ADGRF3: variants seen among roughly 807,000 people sequenced by gnomAD.
The protein encoded by ADGRF3 is G protein-coupled receptor 113.
A neutral mutation model predicts 93.2 loss-of-function variants in ADGRF3; 85 were observed. That is an observed-to-expected ratio of 0.91 (90% CI 0.77 to 1.09). The LOEUF is 1.09. Ranked by LOEUF, ADGRF3 falls within the 50% of genes least tolerant of loss-of-function variation. The probability of loss-of-function intolerance (pLI) is 0.00; values close to 1 mark genes in which losing one functional copy is unlikely to be tolerated. For synonymous variants in ADGRF3, 534 were observed against 532.5 expected (o/e 1.00, Z -0.04); for missense variants, 1,125 against 1,246.2 (o/e 0.90, Z 1.46).
chr2:26,312,018 G>T lies in ADGRF3; in HGVS notation c.1506C>A (p.Thr502=). The T allele has an allele frequency of 6.2e-7, 1 of 1,612,986 alleles. No homozygotes were observed. The highest frequency in any genetic ancestry group is 8.5e-7 in the Non-Finnish European group (1 of 1,179,864). ...CCCAGGGCTTCCGGGCTTGGGCCAGGGTCCACAGAGACCTGGTGTCCATAT... is the reference window on the plus strand; with the variant it reads ...CCCAGGGCTTCCGGGCTTGGGCCAGTGTCCACAGAGACCTGGTGTCCATAT... The part of the protein sequence containing the change: ...VLDMDTRSLW[T]LAQARKPWAG... The change falls in exon 10 of 14, where the codon ACC becomes ACA. Residue 502 remains threonine (T), a synonymous_variant. Coordinates refer to ENST00000651242, the MANE Select transcript of ADGRF3 (RefSeq NM_001321971.2).
intron 1 of ADGRF3, 52 bp downstream of exon 1, chr2:26,346,069 A>T (rs909522605): frequency 6.6e-7 from 1 of 1,515,910 alleles, no homozygotes. Context: ...GAGGCGGCCG[A>T]AGGGGCCGAG....
chr2:26,346,108 G>T lies in ADGRF3; in HGVS notation c.114+13C>A. ...GCTACGCGTGCGCGGTGGGCGGAGC[G>T]CGGCTCTCCTACCTTCTCGGGCAGC... On this transcript the variant is annotated intron_variant, in intron 1 of 13. Coordinates refer to ENST00000651242, the MANE Select transcript of ADGRF3 (RefSeq NM_001321971.2). 1.3e-6 allele frequency: 2 copies of T among 1,567,794 alleles called. No individual in the cohort carries two copies. Among genetic ancestry groups the T allele is most frequent in the Middle Eastern group, 1.7e-4 (1 of 6,006 alleles).
At chr2:26,315,460 G>C (rs951022796) in intron 5 of ADGRF3, 62 bp downstream of exon 5, 20 of 1,500,262 alleles carry the variant, frequency 1.3e-5, no homozygotes, top group Non-Finnish European at 1.6e-5. Context: ...AGAGAAGGAA[G>C]ACGAGGATGA....
At chr2:26,316,768 A>C in intron 3 of ADGRF3, 144 bp downstream of exon 3, 3 of 884,484 alleles carry the variant, frequency 3.4e-6, no homozygotes, top group Non-Finnish European at 3.4e-6. Flanking sequence ...GAGGTGAGGA[A>C]GGAGCTGGGC....
In ADGRF3 at chr2:26,338,612, G is replaced by A. The variant is rs1179887448; in HGVS notation, c.114+7509C>T. Among the ~76,000 whole-genome samples, 6 of 152,160 alleles carry A rather than the reference G, an allele frequency of 3.9e-5. No individual in the cohort carries two copies. The South Asian group carries it at 1.0e-3, about 26-fold the overall frequency. ...CGAGTAGCTTAAATTACAGGCATGT[G>A]CCACCACGCCCGGCTAATTTTGTAT... On this transcript the variant is annotated intron_variant, in intron 1 of 13. Coordinates refer to ENST00000651242, the MANE Select transcript of ADGRF3 (RefSeq NM_001321971.2).
At chr2:26,318,993 C>A (rs941814990) in intron 1 of ADGRF3, 6 of 1,551,612 alleles carry the variant, frequency 3.9e-6, no homozygotes, top group African/African-American at 1.4e-5. Context: ...CAACTGGTGA[C>A]CCCAGCAGGG....
intron 1 of ADGRF3, among the ~76,000 whole-genome samples, chr2:26,339,538 A>C (rs1676254076): frequency 6.6e-6 from 1 of 152,096 alleles, no homozygotes; most frequent in Non-Finnish European, 1.5e-5. Flanking sequence ...ACACACCCCC[A>C]AAACTGCATT....
chr2:26,312,177 G>T, intron 9 of ADGRF3, 103 bp from the exon 10 acceptor site: 5 of 1,148,092 alleles, frequency 4.4e-6, no homozygotes, highest in Non-Finnish European at 6.1e-6. Flanking sequence ...TCCCAGTCCA[G>T]TGTGCGACCC....
At chr2:26,346,076 C>A in intron 1 of ADGRF3, 45 bp downstream of exon 1, 1 of 1,531,330 alleles carries the variant, frequency 6.5e-7, no homozygotes, top group South Asian at 1.2e-5. Context: ...CCGAAGGGGC[C>A]GAGGCGGCTA....
Position 26,311,777 on chromosome 2 carries a change from C to T in ADGRF3, c.1747G>A (p.Glu583Lys), listed in dbSNP as rs1381928630. ...SLAPLVRNGT[E>K]ISITSLVLRK... ...AGCACCAGGCTAGTAATACTTATTT[C>T]AGTTCCATTACGGACCAATGGGGCC... is the stretch of plus-strand genomic sequence containing the variant. Residue 583 changes from glutamate to lysine, a missense_variant, in exon 10 of 14, where the codon GAA (glutamate) becomes AAA (lysine). Physicochemically the swap from Glu to Lys is moderately conservative, Grantham distance 56. Coordinates refer to ENST00000651242, the MANE Select transcript of ADGRF3 (RefSeq NM_001321971.2). 2 of 1,613,692 alleles carry T rather than the reference C, an allele frequency of 1.2e-6. No homozygotes were observed. Among genetic ancestry groups the T allele is most frequent in the Admixed American group, 3.3e-5 (2 of 59,960 alleles).
chr2:26,314,665 C>T (rs1023642896), intron 5 of ADGRF3, 42 bp from the exon 6 acceptor site: 2 of 1,530,026 alleles, frequency 1.3e-6, no homozygotes, highest in Non-Finnish European at 1.8e-6. Flanking sequence ...TCCTCTGGGC[C>T]CCGCTGCACC....
In ADGRF3 at chr2:26,311,723, T is replaced by C; in HGVS notation, c.1801A>G (p.Asn601Asp). The change falls in exon 10 of 14, where the codon AAC becomes GAC. Residue 601 changes from asparagine (N) to aspartate (D), a missense_variant. By Grantham distance (23) the Asn-to-Asp change is conservative (BLOSUM62 1). Coordinates refer to ENST00000651242, the MANE Select transcript of ADGRF3 (RefSeq NM_001321971.2). ...LRKLDHLLPS[N>D]YGQGLGDSLY... ...GAATCCCCCAGCCCTTGTCCATAGT[T>C]TGAGGGCAGAAGGTGGTCCAGTTTT... 1.9e-6 allele frequency: 3 copies of C among 1,613,430 alleles called. No homozygotes were observed. The highest frequency in any genetic ancestry group is 2.5e-6 in the Non-Finnish European group (3 of 1,179,690).
intron 1 of ADGRF3, among the ~76,000 whole-genome samples, chr2:26,337,140 GT>G (rs1216532384): frequency 9.2e-5 from 14 of 152,332 alleles, no homozygotes; most frequent in African/African-American, 3.4e-4. Context: ...TATAGGGGCA[GT>G]GATTGTCCTA....
rs771369065 is a variant in ADGRF3, at chr2:26,316,996, C to T, written c.241G>A (p.Glu81Lys). 1 of 1,613,124 alleles carries T rather than the reference C, an allele frequency of 6.2e-7. No individual in the cohort carries two copies. Among genetic ancestry groups the T allele is most frequent in the Admixed American group, 1.7e-5 (1 of 59,804 alleles). Residue 81 changes from glutamate (E) to lysine (K), a missense_variant, in exon 3 of 14, where the codon GAA becomes AAA. By Grantham distance (56) the Glu-to-Lys change is moderately conservative (BLOSUM62 1). Coordinates refer to ENST00000651242, the MANE Select transcript of ADGRF3 (RefSeq NM_001321971.2). ...GGGAGAGTCAGTGTCCTGGAGAGTT[C>T]AGGGGGCCAGGTCTTATCTGGAAAG... ...LDFPDKTWPP[E>K]LSRTLTLPAA...
At chr2:26,331,361 C>T (rs1291170704) in intron 1 of ADGRF3, among the ~76,000 whole-genome samples, 2 of 152,082 alleles carry the variant, frequency 1.3e-5, no homozygotes, top group Admixed American at 1.3e-4. Context: ...ACCAGCCTGA[C>T]CAACATGGCG....
rs781284214 is a variant in ADGRF3, at chr2:26,311,300, C to T, written c.2224G>A (p.Ala742Thr). Residue 742 changes from alanine to threonine, a missense_variant, in exon 10 of 14, where the codon GCC becomes ACC. By Grantham distance (58) the Ala-to-Thr change is moderately conservative (BLOSUM62 0). Transcript: ENST00000651242. ...VRNKISYFRH[A>T]ALLNMVFCLL... Reference sequence around the variant, plus strand: ...CAGAACACCATGTTGAGCAGGGCGGCGTGGCGGAAATAGGAGATCTTGTTC... The same window carrying T: ...CAGAACACCATGTTGAGCAGGGCGGTGTGGCGGAAATAGGAGATCTTGTTC... 4.7e-5 allele frequency: 76 copies of T among 1,613,724 alleles called. No homozygotes were observed. Among genetic ancestry groups the T allele is most frequent in the South Asian group, 3.2e-4 (29 of 91,080 alleles).
In ADGRF3 at chr2:26,312,058, G is replaced by A. The variant is rs1360628845; in HGVS notation, c.1466C>T (p.Thr489Ile). ...GGTGTCCATATCTAGGACCTTGTCT[G>A]TGGCAATCAGGAGATTCTGCAGCAC... ...RRALKNLLIATDKVLDMDTRS... is the reference protein window; with the variant it reads ...RRALKNLLIAIDKVLDMDTRS... The change falls in exon 10 of 14, where the codon ACA becomes ATA. Residue 489 changes from threonine to isoleucine, a missense_variant. Thr to Ile is a moderately conservative substitution (Grantham distance 89). Coordinates refer to ENST00000651242, the MANE Select transcript of ADGRF3 (RefSeq NM_001321971.2). 33 of 1,608,264 alleles carry A rather than the reference G, an allele frequency of 2.1e-5. No homozygotes were observed. Among genetic ancestry groups the A allele is most frequent in the Non-Finnish European group, 2.7e-5 (32 of 1,178,108 alleles).
At chr2:26,313,981 T>G in intron 6 of ADGRF3, 78 bp from the exon 7 acceptor site, 1 of 1,548,160 alleles carries the variant, frequency 6.5e-7, no homozygotes, top group African/African-American at 1.4e-5. Flanking sequence ...ACATGCTGTT[T>G]CAGTCTTTCT....
chr2:26,312,575 A>G (rs1482987663), intron 9 of ADGRF3, among the ~76,000 whole-genome samples: 2 of 152,224 alleles, frequency 1.3e-5, no homozygotes, highest in Admixed American at 6.5e-5. Context: ...TGGGTCACCA[A>G]TGGATGCCCA....
Sources: allele counts gnomAD v4.1 joint callset (sites outside exome capture counted in the v4.1 genomes callset), GRCh38; gene constraint gnomAD v4.1.1; transcripts MANE v1.5; gene names NCBI Gene and HGNC (gene_info 2026-07-23, HGNC 2026-07-21).